TMC5: variants seen among roughly 807,000 people sequenced by gnomAD.
The protein encoded by TMC5 is transmembrane channel like 5.
TMC5 carries 86 observed loss-of-function variants against 110.5 expected under a neutral mutation model. The observed-to-expected ratio is 0.78, with a 90% confidence interval of 0.65 to 0.93. The LOEUF (loss-of-function observed/expected upper bound fraction) is 0.93. TMC5 is among the 40% of genes least tolerant of loss of function. TMC5 has a pLI of 0.00. For missense variants in TMC5, 1,144 were observed against 1,222.8 expected (o/e 0.94, Z 0.96); for synonymous variants, 455 against 439.5 (o/e 1.04, Z -0.44).
chr16:19,444,869 C>A (rs543662470), intron 4 of TMC5, among the ~76,000 whole-genome samples: 1 of 152,320 alleles, frequency 6.6e-6, no homozygotes, highest in South Asian at 2.1e-4. Context: ...TGGTGGCTCA[C>A]GCCTGTAATC....
intron 6 of TMC5, among the ~76,000 whole-genome samples, chr16:19,462,729 C>G (rs1055262146): frequency 6.6e-6 from 1 of 151,846 alleles, no homozygotes; most frequent in Non-Finnish European, 1.5e-5. Flanking sequence ...GTGGAAACCC[C>G]ATCTCTACTA....
intron 20 of TMC5, among the ~76,000 whole-genome samples, chr16:19,495,011 CTTT>C (rs56178955): frequency 4.9e-5 from 2 of 40,512 alleles, no homozygotes; most frequent in African/African-American, 1.9e-4. Context: ...AGTGTCTATT[CTTT>C]TTTTTTTTTT....
chr16:19,458,312 G>T (rs1030372958), intron 5 of TMC5, among the ~76,000 whole-genome samples: 1 of 152,168 alleles, frequency 6.6e-6, no homozygotes, highest in Non-Finnish European at 1.5e-5. Flanking sequence ...CTGGGTTCAA[G>T]CAATTATCCT....
intron 2 of TMC5, among the ~76,000 whole-genome samples, chr16:19,437,821 A>C (rs905111447): frequency 1.3e-5 from 2 of 152,162 alleles, no homozygotes; most frequent in African/African-American, 2.4e-5. Flanking sequence ...TGACATTGGA[A>C]GCTCCAGGCT....
intron 1 of TMC5, among the ~76,000 whole-genome samples, chr16:19,428,252 C>T (rs572446295): frequency 6.6e-6 from 1 of 151,330 alleles, no homozygotes; most frequent in Non-Finnish European, 1.5e-5. Context: ...TAATTGGTGA[C>T]TTGTGAAGAT....
At chr16:19,469,913 G>A in intron 10 of TMC5, 88 bp downstream of exon 10, 1 of 1,079,014 alleles carries the variant, frequency 9.3e-7, no homozygotes, top group Non-Finnish European at 1.3e-6. Flanking sequence ...TTTTTTTTTT[G>A]AATTGGAGTC....
At position 19,481,427 on chromosome 16, in the gene TMC5, G is replaced by C; in HGVS notation, c.2325G>C (p.Arg775Ser). Residue 775 changes from arginine (R) to serine (S), a missense_variant, in exon 15 of 22, where the codon AGG becomes AGC. Physicochemically the swap from Arg to Ser is moderately radical, Grantham distance 110. Coordinates refer to ENST00000542583, the MANE Select transcript of TMC5 (RefSeq NM_001261841.2). ...SLGLQEFDIARNVLELIYAQT... is the reference protein window; with the variant it reads ...SLGLQEFDIASNVLELIYAQT... ...GCCTTCAGGAGTTTGACATTGCCAG[G>C]AACGTTCTAGAACTGATCTATGCAC... 6.2e-7 allele frequency: 1 copy of C among 1,614,072 alleles called. No homozygotes were observed. Among genetic ancestry groups the C allele is most frequent in the Non-Finnish European group, 8.5e-7 (1 of 1,179,954 alleles).
At chr16:19,451,186 C>A (rs939746345) in intron 5 of TMC5, among the ~76,000 whole-genome samples, 2 of 152,032 alleles carry the variant, frequency 1.3e-5, no homozygotes, top group Non-Finnish European at 1.5e-5. Context: ...AGAGACTAGA[C>A]TAGGGAGTGC....
In TMC5 at chr16:19,474,118, C is replaced by T. The variant is rs751856997; in HGVS notation, c.1939-7C>T. Reference sequence around the variant, plus strand: ...CAGCCCTCCGTTCTCTCCCCCATCCCCTGCAGTTCCTGAAGACACACAGTA... The same window carrying T: ...CAGCCCTCCGTTCTCTCCCCCATCCTCTGCAGTTCCTGAAGACACACAGTA... On this transcript the variant is annotated splice_region_variant and splice_polypyrimidine_tract_variant and intron_variant, in intron 11 of 21. Coordinates refer to ENST00000542583, the MANE Select transcript of TMC5 (RefSeq NM_001261841.2). 1.9e-6 allele frequency: 3 copies of T among 1,612,898 alleles called. No homozygotes were observed. Among genetic ancestry groups the T allele is most frequent in the Non-Finnish European group, 2.5e-6 (3 of 1,179,688 alleles).
intron 1 of TMC5, among the ~76,000 whole-genome samples, chr16:19,422,048 G>A (rs1308049092): frequency 6.6e-6 from 1 of 152,048 alleles, no homozygotes; most frequent in African/African-American, 2.4e-5. Flanking sequence ...GGCCAACATG[G>A]TGAAACCCCG....
In TMC5 at chr16:19,435,500, CA is replaced by C. The variant is rs959937379; in HGVS notation, c.-79-4450del. Reference sequence around the variant, plus strand: ...CTGGGCGCAGAGTGAGACTCTGCCTCAAAAAAAAAAGAAAAAAATTTAGAAA... The same window carrying C: ...CTGGGCGCAGAGTGAGACTCTGCCTCAAAAAAAAAGAAAAAAATTTAGAAA... On this transcript the variant is annotated intron_variant, in intron 2 of 21. Coordinates refer to ENST00000542583, the MANE Select transcript of TMC5 (RefSeq NM_001261841.2). Among the ~76,000 whole-genome samples the C allele has an allele frequency of 2.3e-4, 32 of 140,958 alleles. No homozygotes were observed. The South Asian group carries it at 3.9e-3, about 17-fold the overall frequency. 92.5% of individuals were successfully genotyped at this position (140,958 alleles called of 152,430 possible). A position where few individuals can be genotyped will look rare whatever the true frequency, so the allele number is the denominator to read the frequency against.
At chr16:19,433,284 T>C (rs989162349) in intron 2 of TMC5, among the ~76,000 whole-genome samples, 1 of 152,224 alleles carries the variant, frequency 6.6e-6, no homozygotes, top group East Asian at 1.9e-4. Context: ...GGGTCCCCTT[T>C]GGGAATATCA....
chr16:19,496,549 C>T lies in TMC5; in HGVS notation c.2932-572C>T, dbSNP rs188323130. The stretch of plus-strand genomic sequence containing the variant: ...CCACGTCTGTGCACTTGTCACCCCA[C>T]GTCCTAATTTATTACCTGGCATAAT... On this transcript the variant is annotated intron_variant, in intron 20 of 21. Coordinates refer to ENST00000542583, the MANE Select transcript of TMC5 (RefSeq NM_001261841.2). Among the ~76,000 whole-genome samples the T allele has an allele frequency of 9.2e-5, 14 of 152,164 alleles. No individual in the cohort carries two copies. The South Asian group carries it at 1.5e-3, about 16-fold the overall frequency.
intron 4 of TMC5, among the ~76,000 whole-genome samples, chr16:19,446,610 T>C (rs943443905): frequency 6.6e-6 from 1 of 152,164 alleles, no homozygotes; most frequent in Non-Finnish European, 1.5e-5. Context: ...AACTAAGACT[T>C]AGAAAGAAAT....
At chr16:19,496,190 G>A (rs566358156) in intron 20 of TMC5, among the ~76,000 whole-genome samples, 45 of 150,838 alleles carry the variant, frequency 3.0e-4, no homozygotes, top group African/African-American at 1.1e-3. Context: ...GTTATTTTTT[G>A]TGAATATTTC....
At chr16:19,438,435 G>GAGAGAGAAAGAAAGAAAGAAAGAAAGAA (rs1555480629) in intron 2 of TMC5, among the ~76,000 whole-genome samples, 10 of 103,918 alleles carry the variant, frequency 9.6e-5, no homozygotes, top group African/African-American at 4.2e-4. Context: ...AAGAAAGAAA[G>GAGAGAGAAAGAAAGAAAGAAAGAAAGAA]AGAAAGAAAG....
intron 19 of TMC5, among the ~76,000 whole-genome samples, chr16:19,493,957 T>C (rs997773300): frequency 6.6e-6 from 1 of 152,150 alleles, no homozygotes; most frequent in African/African-American, 2.4e-5. Flanking sequence ...CCATTTTTCC[T>C]GGGTATTGAG....
chr16:19,469,545 C>T lies in TMC5; in HGVS notation c.1638-136C>T, dbSNP rs1357824731. Reference sequence around the variant, plus strand: ...TAACCACTGTGTGGTGACCACACCGCTCCAGGCCAACAGCTTGGGGCTAAG... The same window carrying T: ...TAACCACTGTGTGGTGACCACACCGTTCCAGGCCAACAGCTTGGGGCTAAG... On this transcript the variant is annotated intron_variant, in intron 9 of 21. Coordinates refer to ENST00000542583, the MANE Select transcript of TMC5 (RefSeq NM_001261841.2). The T allele has an allele frequency of 2.7e-6, 3 of 1,095,022 alleles. No individual in the cohort carries two copies. The African/African-American group carries it at 4.7e-5, about 17-fold the overall frequency. The allele number at this position is 1,095,022 out of a possible 1,614,324, so 67.8% of individuals were successfully genotyped here.
chr16:19,452,506 C>G (rs145915415), intron 5 of TMC5, among the ~76,000 whole-genome samples: 5,562 of 152,160 alleles, frequency 0.037, 127 homozygotes, highest in African/African-American at 0.057. Context: ...CACCTAAGGT[C>G]AGGAGTTCGA....
Sources: allele counts gnomAD v4.1 joint callset (sites outside exome capture counted in the v4.1 genomes callset), GRCh38; gene constraint gnomAD v4.1.1; transcripts MANE v1.5; gene names NCBI Gene and HGNC (gene_info 2026-07-23, HGNC 2026-07-21).